The following ASPH variants were observed in gnomAD, a reference collection of about 807,000 sequenced individuals.
The protein encoded by ASPH is aspartate beta-hydroxylase, also known as aspartyl/asparaginyl beta-hydroxylase.
In ASPH, 100 loss-of-function variants were observed where a neutral mutation model predicts 118.4. That is an observed-to-expected ratio of 0.84 (90% CI 0.72 to 1.00). ASPH has a LOEUF of 1.00. ASPH is among the 50% of genes least tolerant of loss of function. ASPH has a pLI of 0.00. For missense variants in ASPH, 920 were observed against 919.5 expected, an observed-to-expected ratio of 1.00 and a Z score of -0.01; for synonymous variants, 315 against 325.6, an observed-to-expected ratio of 0.97 and a Z score of 0.35.
intron 5 of ASPH, among the ~76,000 whole-genome samples, chr8:61,648,676 T>C (rs977754382): frequency 6.6e-6 from 1 of 152,184 alleles, no homozygotes; most frequent in African/African-American, 2.4e-5. Flanking sequence ...TTGAGTCTCA[T>C]CATGAAAAAT....
rs766732834 is a variant in ASPH at position 61,576,743 on chromosome 8, G to T, written c.1149+29C>A. 29 of 1,567,226 alleles carry T rather than the reference G, an allele frequency of 1.9e-5. No individual in the cohort carries two copies. The South Asian group carries it at 2.5e-4, about 14-fold the overall frequency. Reference sequence around the variant, plus strand: ...CACAAAACACATGAACATCAAAAAAGTGTCCTAAGGAGAAGGGTCTCAGAA... The same window carrying T: ...CACAAAACACATGAACATCAAAAAATTGTCCTAAGGAGAAGGGTCTCAGAA... On this transcript the variant is annotated intron_variant, in intron 16 of 24. Transcript: ENST00000379454.
At position 61,567,279 on chromosome 8, in the gene ASPH, C is replaced by T. The variant is rs770298060; in HGVS notation, c.1189G>A (p.Val397Met). ...DLAEKRRSNE[V>M]LRGAIETYQE... ...TAGGTCTCGATGGCTCCACGTAGCACCTCATTACTTCTCCTCTTCTCAGCC... is the reference window on the plus strand; with the variant it reads ...TAGGTCTCGATGGCTCCACGTAGCATCTCATTACTTCTCCTCTTCTCAGCC... Residue 397 changes from valine (V) to methionine (M), a missense_variant, in exon 17 of 25, where the codon GTG becomes ATG. Physicochemically the swap from Val to Met is conservative, Grantham distance 21 (BLOSUM62 1). Transcript: ENST00000379454. 1.9e-5 allele frequency: 30 copies of T among 1,614,000 alleles called. No individual in the cohort carries two copies. The highest frequency in any genetic ancestry group is 2.5e-5 in the Non-Finnish European group (29 of 1,179,962).
chr8:61,594,300 T>C (rs1359591147), intron 14 of ASPH, among the ~76,000 whole-genome samples: 3 of 152,258 alleles, frequency 2.0e-5, no homozygotes, highest in Non-Finnish European at 4.4e-5. Context: ...TTTATTAATT[T>C]TGCTTAAATG....
In ASPH at chr8:61,512,402, CAG is replaced by C. The variant is rs1809235475; in HGVS notation, c.2126+5124_2126+5125del. On this transcript the variant is annotated intron_variant, in intron 24 of 24. Coordinates refer to ENST00000379454, the MANE Select transcript of ASPH (RefSeq NM_004318.4). The stretch of plus-strand genomic sequence containing the variant: ...ACTCAGGGAGAAAGCAATGTGAACA[CAG>C]AGGCAGGGACTGAAGTGACGTGTCT... Among the ~76,000 whole-genome samples the C allele has an allele frequency of 1.3e-5, 2 of 152,152 alleles. 1 individual carries two copies. The highest frequency in any genetic ancestry group is 1.3e-4 in the Admixed American group (2 of 15,272).
At chr8:61,571,251 T>C (rs559303577) in intron 16 of ASPH, among the ~76,000 whole-genome samples, 1 of 152,184 alleles carries the variant, frequency 6.6e-6, no homozygotes, top group Non-Finnish European at 1.5e-5. Flanking sequence ...CATAATAGCA[T>C]AGAGATAAAA....
intron 14 of ASPH, among the ~76,000 whole-genome samples, chr8:61,615,803 A>T (rs1848818469): frequency 6.6e-6 from 1 of 152,194 alleles, no homozygotes; most frequent in Non-Finnish European, 1.5e-5. Flanking sequence ...CCTTAAAAAA[A>T]TTTCAGTTTC....
chr8:61,677,352 G>A (rs143870435), intron 3 of ASPH, among the ~76,000 whole-genome samples: 213 of 152,180 alleles, frequency 1.4e-3, no homozygotes, highest in South Asian at 2.3e-3. Context: ...TAATTTTGAG[G>A]AGGAATAACA....
intron 10 of ASPH, among the ~76,000 whole-genome samples, chr8:61,642,649 T>C (rs971595410): frequency 1.3e-5 from 2 of 152,102 alleles, no homozygotes; most frequent in African/African-American, 4.8e-5. Context: ...GAGGATCACC[T>C]GAGATCGGGA....
intron 20 of ASPH, among the ~76,000 whole-genome samples, chr8:61,552,823 A>C (rs961232191): frequency 2.0e-5 from 3 of 152,214 alleles, no homozygotes; most frequent in Non-Finnish European, 1.5e-5. Flanking sequence ...GAAAGAAACT[A>C]TAAAAGCCAA....
intron 1 of ASPH, chr8:61,689,798 C>A: frequency 2.0e-6 from 3 of 1,490,162 alleles, no homozygotes; most frequent in Non-Finnish European, 2.7e-6. Context: ...ACTTGCCTAC[C>A]AGAGCTTGAG....
chr8:61,515,855 C>T (rs1020070262), intron 24 of ASPH, among the ~76,000 whole-genome samples: 21 of 152,116 alleles, frequency 1.4e-4, no homozygotes, highest in African/African-American at 4.8e-4. Context: ...TCTCTAGTCT[C>T]CATTTCTTTC....
At chr8:61,626,913 A>C (rs1185184032) in intron 13 of ASPH, among the ~76,000 whole-genome samples, 1 of 152,014 alleles carries the variant, frequency 6.6e-6, no homozygotes, top group Non-Finnish European at 1.5e-5. Flanking sequence ...TTGTGTTACA[A>C]TTAAACTAGA....
intron 21 of ASPH, among the ~76,000 whole-genome samples, chr8:61,540,375 T>C (rs950038363): frequency 6.6e-6 from 1 of 152,214 alleles, no homozygotes; most frequent in East Asian, 1.9e-4. Context: ...CTTGGAGATC[T>C]GGTCGTTTAC....
intron 16 of ASPH, among the ~76,000 whole-genome samples, chr8:61,571,521 G>A (rs1833474050): frequency 6.6e-6 from 1 of 151,934 alleles, no homozygotes; most frequent in African/African-American, 2.4e-5. Flanking sequence ...GTAAATAGTT[G>A]TTATATTGTA....
Position 61,704,602 on chromosome 8 carries a change from ACTT to A in ASPH, c.103+9664_103+9666del, listed in dbSNP as rs562024188. On this transcript the variant is annotated intron_variant, in intron 1 of 24. Coordinates refer to ENST00000379454, the MANE Select transcript of ASPH (RefSeq NM_004318.4). ...TATGTGCTATATATATCTGAAAAGAACTTCTATCCAGAATACATAAAGAATTAC... is the reference window on the plus strand; with the variant it reads ...TATGTGCTATATATATCTGAAAAGAACTATCCAGAATACATAAAGAATTAC... 3.5e-3 allele frequency among the ~76,000 whole-genome samples: 533 copies of A among 152,294 alleles called. 3 individuals are homozygous for A. The highest frequency in any genetic ancestry group is 0.027 in the Middle Eastern group (8 of 294).
intron 14 of ASPH, among the ~76,000 whole-genome samples, chr8:61,609,974 T>G: frequency 6.6e-6 from 1 of 152,340 alleles, no homozygotes. Flanking sequence ...AGTATAGAAA[T>G]AGACAATGTG....
chr8:61,613,833 T>C (rs957127576), intron 14 of ASPH, among the ~76,000 whole-genome samples: 2 of 152,232 alleles, frequency 1.3e-5, no homozygotes, highest in African/African-American at 4.8e-5. Context: ...TAGAGAACTT[T>C]GTTCAAATAT....
At chr8:61,531,005 T>C (rs1056569050) in intron 21 of ASPH, among the ~76,000 whole-genome samples, 12 of 152,194 alleles carry the variant, frequency 7.9e-5, no homozygotes, top group Non-Finnish European at 1.3e-4. Context: ...TCAGTGCAAA[T>C]TCACATTCAG....
At chr8:61,577,769 C>G (rs998725234) in intron 15 of ASPH, among the ~76,000 whole-genome samples, 1 of 152,150 alleles carries the variant, frequency 6.6e-6, no homozygotes, top group Non-Finnish European at 1.5e-5. Flanking sequence ...ATCATGAGAA[C>G]GGCATGGGGG....
Sources: allele counts gnomAD v4.1 joint callset (sites outside exome capture counted in the v4.1 genomes callset), GRCh38; gene constraint gnomAD v4.1.1; transcripts MANE v1.5; gene names NCBI Gene and HGNC (gene_info 2026-07-23, HGNC 2026-07-21).